Variants in MAP4K5 observed in about 807,000 individuals in gnomAD.
MAP4K5 encodes the protein MAPK/ERK kinase kinase kinase 5.
Under a neutral mutation model 135.6 loss-of-function variants are expected in MAP4K5, and 82 were observed. The observed-to-expected ratio is 0.60, with a 90% CI of 0.51 to 0.73. The LOEUF (loss-of-function observed/expected upper bound fraction) is 0.73, where lower values mean the gene tolerates loss of function less well. Among genes scored for constraint, MAP4K5 ranks in the 30% least tolerant of loss-of-function variants. The pLI is 0.00. For synonymous variants in MAP4K5, 347 were observed against 335.0 expected, an observed-to-expected ratio of 1.04 and a Z score of -0.39; for missense variants, 907 against 1,010.9, an observed-to-expected ratio of 0.90 and a Z score of 1.39.
In MAP4K5 at chr14:50,532,042, G is replaced by A. The variant is rs1156720109; in HGVS notation, c.8C>T (p.Ala3Val). Residue 3 changes from alanine to valine, a missense_variant, in exon 2 of 33, where the codon GCC becomes GTC. Transcript: ENST00000682126. ME[A>V]PLRPAADILR... ...GATGTCCGCGGCAGGCCGCAGCGGG[G>A]CCTCCATCTTCACTTAGGGCCCGGC... is the stretch of plus-strand genomic sequence containing the variant. 6.4e-7 allele frequency: 1 copy of A among 1,564,900 alleles called. No homozygotes were observed. The highest frequency in any genetic ancestry group is 8.7e-7 in the Non-Finnish European group (1 of 1,152,504).
At chr14:50,482,472 T>C (rs1260394998) in intron 5 of MAP4K5, 56 bp from the exon 6 acceptor site, 11 of 1,196,732 alleles carry the variant, frequency 9.2e-6, no homozygotes, top group Non-Finnish European at 1.2e-5. Flanking sequence ...TTAGAAACAG[T>C]CTACTTAAAA....
At position 50,462,713 on chromosome 14, in the gene MAP4K5, A is replaced by T. The variant is rs2036738548; in HGVS notation, c.888T>A (p.Asn296Lys). Residue 296 changes from asparagine (N) to lysine (K), a missense_variant, in exon 13 of 33, where the codon AAT (asparagine) becomes AAA (lysine). Asn to Lys is a moderately conservative substitution (Grantham distance 94, BLOSUM62 0). This residue lies in a region of MAP4K5 where 690 missense variants were observed against 777.4 expected (regional missense o/e 0.89). Coordinates refer to ENST00000682126, the MANE Select transcript of MAP4K5 (RefSeq NM_006575.6). Reference sequence around the variant, plus strand: ...CAGTGTAATGTGCGTGGTTATCTGGATTGTTCACTTTGTCTAACAGTTCAA... The same window carrying T: ...CAGTGTAATGTGCGTGGTTATCTGGTTTGTTCACTTTGTCTAACAGTTCAA... ...LAVELLDKVN[N>K]PDNHAHYTEA... 6.2e-7 allele frequency: 1 copy of T among 1,605,328 alleles called. No homozygotes were observed. Among genetic ancestry groups the T allele is most frequent in the Non-Finnish European group, 8.5e-7 (1 of 1,177,674 alleles).
Position 50,531,942 on chromosome 14 carries a change from CT to C in MAP4K5, c.107del (p.Lys36ArgfsTer13). On this transcript the variant is annotated frameshift_variant and splice_region_variant, in exon 2 of 33. Transcript: ENST00000682126. LOFTEE classifies it high-confidence loss of function. ...AAAAAGCACGGCCAGCCTCACTTAC[CT>C]TATAGACGTCCCCGTAGGTGCCGCT... is the stretch of plus-strand genomic sequence containing the variant. Reference protein sequence around the residue: ...VGSGTYGDVYKARNVHTGELA... With the variant: ...VGSGTYGDVYXARNVHTGELA... The C allele has an allele frequency of 6.3e-7, 1 of 1,591,850 alleles. No individual in the cohort carries two copies. The highest frequency in any genetic ancestry group is 8.6e-7 in the Non-Finnish European group (1 of 1,168,052).
rs2038405939 is a variant in MAP4K5, at chr14:50,532,059, G to A, written c.-10C>T. 11 of 1,528,432 alleles carry A rather than the reference G, an allele frequency of 7.2e-6. No individual in the cohort carries two copies. Among genetic ancestry groups the A allele is most frequent in the Non-Finnish European group, 9.8e-6 (11 of 1,126,438 alleles). The allele number at this position is 1,528,432 out of a possible 1,614,324, so 94.7% of individuals were successfully genotyped here. On this transcript the variant is annotated 5_prime_UTR_variant, in exon 2 of 33. Coordinates refer to ENST00000682126, the MANE Select transcript of MAP4K5 (RefSeq NM_006575.6). ...GCAGCGGGGCCTCCATCTTCACTTA[G>A]GGCCCGGCCCCCGCCAGCTCACCCC...
chr14:50,449,964 G>A (rs1388132727), intron 14 of MAP4K5: 1 of 152,080 alleles, frequency 6.6e-6, no homozygotes, highest in Non-Finnish European at 1.5e-5. Flanking sequence ...TGTTGAGATG[G>A]AGTCTCACAC....
chr14:50,476,828 A>T (rs1318215529), intron 6 of MAP4K5, among the ~76,000 whole-genome samples: 2 of 152,220 alleles, frequency 1.3e-5, no homozygotes, highest in Non-Finnish European at 2.9e-5. Flanking sequence ...CAAGATATCA[A>T]ATATATTAAT....
chr14:50,436,124 G>A (rs2036086304), intron 26 of MAP4K5, among the ~76,000 whole-genome samples: 1 of 152,166 alleles, frequency 6.6e-6, no homozygotes, highest in Non-Finnish European at 1.5e-5. Flanking sequence ...AGAATAAATA[G>A]GAAGTTAGGA....
At chr14:50,532,658 C>T (rs2038429258), upstream of MAP4K5, 1 of 152,772 alleles carries the variant, frequency 6.5e-6, no homozygotes, top group Non-Finnish European at 1.5e-5. Flanking sequence ...GGGTCGGCGC[C>T]CAGCGGCCCG....
chr14:50,549,105 G>T (rs1358894525), intron 1 of MAP4K5, among the ~76,000 whole-genome samples: 2 of 151,964 alleles, frequency 1.3e-5, no homozygotes. Flanking sequence ...CATTCACTTT[G>T]AACAAGTGGA....
At chr14:50,548,024 G>A (rs2038655745) in intron 1 of MAP4K5, among the ~76,000 whole-genome samples, 1 of 152,130 alleles carries the variant, frequency 6.6e-6, no homozygotes. Flanking sequence ...TCTTGCAGAT[G>A]TGGAGACTAC....
chr14:50,496,076 G>A (rs2037584742), intron 3 of MAP4K5, among the ~76,000 whole-genome samples: 1 of 152,206 alleles, frequency 6.6e-6, no homozygotes, highest in Non-Finnish European at 1.5e-5. Flanking sequence ...TGTAATCCCA[G>A]CACTTTTGGA....
intron 1 of MAP4K5, among the ~76,000 whole-genome samples, chr14:50,547,168 C>G (rs2038644471): frequency 6.6e-6 from 1 of 152,114 alleles, no homozygotes; most frequent in Non-Finnish European, 1.5e-5. Flanking sequence ...TTAGATTTGT[C>G]TAATATCTCA....
intron 3 of MAP4K5, among the ~76,000 whole-genome samples, chr14:50,501,712 A>T (rs1026326628): frequency 2.0e-5 from 3 of 152,174 alleles, no homozygotes; most frequent in African/African-American, 7.2e-5. Context: ...GTTATATTCA[A>T]GGTAAAAAGG....
chr14:50,559,409 A>G (rs2038805368), intron 1 of MAP4K5: 1 of 152,244 alleles, frequency 6.6e-6, no homozygotes, highest in Non-Finnish European at 1.5e-5. Flanking sequence ...GTGAAAAGGG[A>G]AAGATTGAAA....
chr14:50,459,139 T>C (rs1190191184), intron 13 of MAP4K5, among the ~76,000 whole-genome samples: 4 of 152,156 alleles, frequency 2.6e-5, no homozygotes, highest in Non-Finnish European at 2.9e-5. Flanking sequence ...AGTCCAAACT[T>C]TTCTCTCCAA....
chr14:50,440,013 C>G lies in MAP4K5; in HGVS notation c.1705G>C (p.Glu569Gln). 6.5e-7 allele frequency: 1 copy of G among 1,543,726 alleles called. No individual in the cohort carries two copies. The highest frequency in any genetic ancestry group is 8.8e-7 in the Non-Finnish European group (1 of 1,133,450). ...VINNTLMSLSEGKTFQLYSHN... is the reference protein window; with the variant it reads ...VINNTLMSLSQGKTFQLYSHN... Reference sequence around the variant, plus strand: ...TTATTTTTCATCATCACATACATACCTGATAATGACATTAAAGTATTATTG... The same window carrying G: ...TTATTTTTCATCATCACATACATACGTGATAATGACATTAAAGTATTATTG... Residue 569 changes from glutamate to glutamine, a missense_variant and splice_region_variant, in exon 23 of 33, where the codon GAA becomes CAA. Transcript: ENST00000682126.
intron 2 of MAP4K5, among the ~76,000 whole-genome samples, chr14:50,529,199 A>G (rs984680829): frequency 6.6e-6 from 1 of 151,938 alleles, no homozygotes; most frequent in Non-Finnish European, 1.5e-5. Flanking sequence ...ACTGGGAAAC[A>G]TGGCAAGACC....
At chr14:50,476,489 G>C (rs1281315508) in intron 6 of MAP4K5, among the ~76,000 whole-genome samples, 183 bp from the exon 7 acceptor site, 2 of 152,144 alleles carry the variant, frequency 1.3e-5, no homozygotes, top group Non-Finnish European at 1.5e-5. Context: ...TTTTGAGACA[G>C]AGTCTCACTG....
intron 1 of MAP4K5, among the ~76,000 whole-genome samples, chr14:50,557,691 C>T (rs2038780978): frequency 6.6e-6 from 1 of 152,104 alleles, no homozygotes; most frequent in Non-Finnish European, 1.5e-5. Context: ...GGTATTTCTT[C>T]AGAGTAGATT....
Sources: allele counts gnomAD v4.1 joint callset (sites outside exome capture counted in the v4.1 genomes callset), GRCh38; gene constraint gnomAD v4.1.1; regional missense constraint gnomAD v4.1.1; transcripts MANE v1.5; gene names NCBI Gene and HGNC (gene_info 2026-07-23, HGNC 2026-07-21).